Variants in HIBADH observed in about 807,000 individuals in gnomAD.
HIBADH encodes the protein 3-hydroxyisobutyrate dehydrogenase.
In HIBADH, 25 loss-of-function variants were observed where a neutral mutation model predicts 36.1. The observed-to-expected ratio is 0.69, with a 90% CI of 0.50 to 0.97. The LOEUF (loss-of-function observed/expected upper bound fraction) is 0.97. HIBADH is among the 50% of genes least tolerant of loss of function. The probability of loss-of-function intolerance (pLI) is 0.00; values close to 1 mark genes in which losing one functional copy is unlikely to be tolerated. For missense variants in HIBADH, 421 were observed against 418.0 expected (o/e 1.01, Z -0.06); for synonymous variants, 160 against 149.5 (o/e 1.07, Z -0.51).
intron 4 of HIBADH, among the ~76,000 whole-genome samples, chr7:27,551,364 G>A (rs1784317753): frequency 6.6e-6 from 1 of 152,024 alleles, no homozygotes; most frequent in African/African-American, 2.4e-5. Flanking sequence ...TGAAAACAGT[G>A]ATAAAAACAC....
intron 4 of HIBADH, among the ~76,000 whole-genome samples, chr7:27,589,413 A>G (rs547881408): frequency 6.6e-6 from 1 of 152,330 alleles, no homozygotes; most frequent in Non-Finnish European, 1.5e-5. Context: ...TGAGAAATTC[A>G]CATTTTCCCC....
At chr7:27,646,539 GTTTT>G (rs1001396830) in intron 2 of HIBADH, among the ~76,000 whole-genome samples, 1 of 149,658 alleles carries the variant, frequency 6.7e-6, no homozygotes, top group Non-Finnish European at 1.5e-5. Flanking sequence ...TTTCTGGTTT[GTTTT>G]TTTTTCTTTT....
chr7:27,531,741 C>A (rs958702380), intron 6 of HIBADH, among the ~76,000 whole-genome samples: 1 of 151,900 alleles, frequency 6.6e-6, no homozygotes, highest in Non-Finnish European at 1.5e-5. Flanking sequence ...CATTCTTTAC[C>A]CACAAATGAT....
chr7:27,565,024 G>A (rs969303806), intron 4 of HIBADH, among the ~76,000 whole-genome samples: 1 of 152,104 alleles, frequency 6.6e-6, no homozygotes, highest in Non-Finnish European at 1.5e-5. Flanking sequence ...GAGAGTAAAA[G>A]ACTAACCTTT....
chr7:27,542,069 CTCTT>C (rs1282212560), intron 5 of HIBADH, among the ~76,000 whole-genome samples: 1 of 152,212 alleles, frequency 6.6e-6, no homozygotes, highest in East Asian at 1.9e-4. Context: ...TAAATTTTAA[CTCTT>C]TATAACAGAT....
At chr7:27,611,347 C>T (rs1050212358) in intron 4 of HIBADH, among the ~76,000 whole-genome samples, 3 of 152,144 alleles carry the variant, frequency 2.0e-5, no homozygotes, top group African/African-American at 7.2e-5. Context: ...TAATGATGCC[C>T]TGGGAGCAGA....
chr7:27,536,404 A>G (rs532522565), intron 6 of HIBADH, among the ~76,000 whole-genome samples: 3 of 152,242 alleles, frequency 2.0e-5, no homozygotes, highest in African/African-American at 4.8e-5. Flanking sequence ...TTTATGTTAT[A>G]TATATCAGTA....
At chr7:27,617,903 G>A (rs1785459264) in intron 4 of HIBADH, among the ~76,000 whole-genome samples, 1 of 152,094 alleles carries the variant, frequency 6.6e-6, no homozygotes, top group African/African-American at 2.4e-5. Flanking sequence ...GCACTGGCTG[G>A]GTCCAAAGTG....
chr7:27,613,147 T>TTTATATATATTTATATAAATATA (rs1562643645), intron 4 of HIBADH, among the ~76,000 whole-genome samples: 4 of 120,608 alleles, frequency 3.3e-5, no homozygotes, highest in Admixed American at 3.0e-4. Context: ...TATAAATATA[T>TTTATATATATTTATATAAATATA]TTTATATAAA....
At chr7:27,653,281 G>A (rs1282930347) in intron 1 of HIBADH, among the ~76,000 whole-genome samples, 1 of 152,142 alleles carries the variant, frequency 6.6e-6, no homozygotes, top group East Asian at 1.9e-4. Context: ...ATAAAACAAT[G>A]GATTGGATTA....
At chr7:27,568,907 TTTTTTTTTTCCAAA>T (rs1023340414) in intron 4 of HIBADH, among the ~76,000 whole-genome samples, 2 of 114,910 alleles carry the variant, frequency 1.7e-5, no homozygotes, top group African/African-American at 7.1e-5. Context: ...TCAGCCACCT[TTTTTTTTTTCCAAA>T]TTTTTTTTTT....
intron 4 of HIBADH, among the ~76,000 whole-genome samples, chr7:27,591,486 G>T (rs1784939033): frequency 6.6e-6 from 1 of 151,876 alleles, no homozygotes; most frequent in South Asian, 2.1e-4. Context: ...GGGAGGCGGA[G>T]GTTGCAGTGA....
intron 4 of HIBADH, among the ~76,000 whole-genome samples, chr7:27,547,277 T>C (rs573926092): frequency 1.2e-4 from 19 of 152,214 alleles, no homozygotes; most frequent in Non-Finnish European, 2.1e-4. Flanking sequence ...TGGTATAGTT[T>C]AGTTCATTCA....
intron 4 of HIBADH, among the ~76,000 whole-genome samples, chr7:27,587,540 T>A (rs1010539426): frequency 6.6e-6 from 1 of 152,170 alleles, no homozygotes; most frequent in South Asian, 2.1e-4. Context: ...TTTCATTAGG[T>A]AAAGTTCATG....
chr7:27,562,056 T>C (rs186893609), intron 4 of HIBADH, among the ~76,000 whole-genome samples: 1 of 152,154 alleles, frequency 6.6e-6, no homozygotes, highest in Non-Finnish European at 1.5e-5. Flanking sequence ...AAATCCAACA[T>C]GATAAAAATC....
At chr7:27,595,684 AT>A (rs1785022934) in intron 4 of HIBADH, among the ~76,000 whole-genome samples, 1 of 151,880 alleles carries the variant, frequency 6.6e-6, no homozygotes, top group Non-Finnish European at 1.5e-5. Context: ...TATTTATTGA[AT>A]AAATGAATGA....
chr7:27,616,751 T>C (rs1048863932), intron 4 of HIBADH, among the ~76,000 whole-genome samples: 21 of 152,064 alleles, frequency 1.4e-4, no homozygotes, highest in African/African-American at 5.1e-4. Flanking sequence ...CATGAGCCAC[T>C]GCGCCCAGCC....
chr7:27,600,194 A>G (rs10244508), intron 4 of HIBADH, among the ~76,000 whole-genome samples: 1 of 152,178 alleles, frequency 6.6e-6, no homozygotes, highest in African/African-American at 2.4e-5. Flanking sequence ...TTCCTAGAAT[A>G]TAACAATCTA....
At chr7:27,640,731 C>A (rs1251649742) in intron 2 of HIBADH, among the ~76,000 whole-genome samples, 1 of 152,168 alleles carries the variant, frequency 6.6e-6, no homozygotes, top group East Asian at 1.9e-4. Context: ...TCAGAGAGAG[C>A]ACTTACAGAC....
Sources: gnomAD v4.1 joint callset for allele counts (sites outside exome capture counted in the v4.1 genomes callset) on GRCh38, gnomAD v4.1.1 for gene constraint, MANE v1.5 for transcripts, NCBI Gene and HGNC (gene_info 2026-07-23, HGNC 2026-07-21) for gene names.